POF1B: variants seen among roughly 807,000 people sequenced by gnomAD.
POF1B encodes POF1B actin binding protein.
Under a neutral mutation model 55.3 loss-of-function variants are expected in POF1B, and 53 were observed. The observed-to-expected ratio is 0.96, with a 90% confidence interval of 0.77 to 1.20. POF1B has a LOEUF of 1.20. POF1B is among the 50% of genes most tolerant of loss of function. The pLI is 0.00. For missense variants in POF1B, 478 were observed against 420.5 expected (o/e 1.14, Z -1.20); for synonymous variants, 188 against 148.3 (o/e 1.27, Z -1.95).
At chrX:85,366,772 T>C (rs924435066) in intron 3 of POF1B, among the ~76,000 whole-genome samples, 1 of 111,776 alleles carries the variant, frequency 8.9e-6, no homozygotes, top group African/African-American at 3.3e-5. Context: ...TTTACCTTTG[T>C]GCAATATGTG....
chrX:85,327,068 A>G (rs1932904768), intron 7 of POF1B, among the ~76,000 whole-genome samples: 1 of 110,604 alleles, frequency 9.0e-6, no homozygotes, highest in Admixed American at 9.6e-5. Context: ...AGGCTCCCAC[A>G]CCAACCCTCT....
intron 7 of POF1B, among the ~76,000 whole-genome samples, chrX:85,322,208 A>G (rs1318013598): frequency 1.8e-5 from 2 of 111,569 alleles, no homozygotes; most frequent in Non-Finnish European, 3.8e-5. Context: ...ACAAGGCTAC[A>G]GTAACCAAAA....
intron 9 of POF1B, among the ~76,000 whole-genome samples, chrX:85,312,416 A>G (rs2147909868): frequency 9.0e-6 from 1 of 111,666 alleles, no homozygotes; most frequent in East Asian, 2.8e-4. Flanking sequence ...TCCCAGCATT[A>G]TTTATTAAAC....
chrX:85,355,695 A>G (rs1933479625), intron 4 of POF1B, among the ~76,000 whole-genome samples: 1 of 111,507 alleles, frequency 9.0e-6, no homozygotes, highest in Non-Finnish European at 1.9e-5. Context: ...GCAGCCAAAA[A>G]ACACATGAAA....
At chrX:85,281,507 TCAGTCC>T (rs1026964803) in intron 16 of POF1B, among the ~76,000 whole-genome samples, 1 of 110,017 alleles carries the variant, frequency 9.1e-6, no homozygotes, top group Non-Finnish European at 1.9e-5. Flanking sequence ...GTTTCAATAA[TCAGTCC>T]CCTTAGCAAT....
intron 9 of POF1B, among the ~76,000 whole-genome samples, chrX:85,309,614 C>G (rs1410530956): frequency 9.0e-6 from 1 of 110,893 alleles, no homozygotes; most frequent in Non-Finnish European, 1.9e-5. Context: ...CAACAAAAGT[C>G]CTGAGAAAAG....
chrX:85,373,942 C>A lies in POF1B; in HGVS notation c.282+5231G>T, dbSNP rs183104966. ...TTAGAGAACAATCATTTACACTTAG[C>A]TAAAACATAGGACACCAGAAGGAGA... On this transcript the variant is annotated intron_variant, in intron 2 of 16. Transcript: ENST00000262753. 2.7e-5 allele frequency among the ~76,000 whole-genome samples: 3 copies of A among 111,015 alleles called. No individual in the cohort carries two copies. The East Asian group carries it at 8.5e-4, about 31-fold the overall frequency.
At chrX:85,357,815 T>G (rs983348311) in intron 4 of POF1B, among the ~76,000 whole-genome samples, 3 of 111,484 alleles carry the variant, frequency 2.7e-5, no homozygotes, top group African/African-American at 9.8e-5. Context: ...AGAGGAATGA[T>G]TCCCACATCT....
At chrX:85,322,693 C>T (rs1179915670) in intron 7 of POF1B, among the ~76,000 whole-genome samples, 1 of 111,534 alleles carries the variant, frequency 9.0e-6, no homozygotes, top group Non-Finnish European at 1.9e-5. Flanking sequence ...GCAATCTACT[C>T]ATCTGACAAA....
At chrX:85,354,912 C>T (rs1933459927) in intron 4 of POF1B, among the ~76,000 whole-genome samples, 2 of 111,240 alleles carry the variant, frequency 1.8e-5, no homozygotes, top group Non-Finnish European at 3.8e-5. Context: ...AATGCCATCC[C>T]CATCAAGCTA....
intron 2 of POF1B, among the ~76,000 whole-genome samples, chrX:85,371,829 C>T (rs1033195996): frequency 8.1e-5 from 9 of 111,366 alleles, no homozygotes; most frequent in Non-Finnish European, 1.5e-4. Context: ...TTGTAAAACG[C>T]GTGGTACATT....
intron 1 of POF1B, 23 bp downstream of exon 1, chrX:85,379,616 T>A: frequency 1.9e-6 from 1 of 532,627 alleles, no homozygotes. Context: ...CCAATAGTGG[T>A]GCCGGGAAGA....
intron 2 of POF1B, among the ~76,000 whole-genome samples, chrX:85,378,224 C>T (rs1933953462): frequency 9.0e-6 from 1 of 111,363 alleles, no homozygotes; most frequent in African/African-American, 3.3e-5. Context: ...ATGTATTACT[C>T]CTGATTGGTA....
chrX:85,358,671 A>C (rs1216951875), intron 4 of POF1B, among the ~76,000 whole-genome samples: 1 of 110,843 alleles, frequency 9.0e-6, no homozygotes, highest in Admixed American at 9.6e-5. Context: ...ATAATGCAAC[A>C]ATTGGACTGA....
chrX:85,333,097 C>G (rs961705583), intron 6 of POF1B, among the ~76,000 whole-genome samples: 6 of 110,293 alleles, frequency 5.4e-5, no homozygotes, highest in African/African-American at 2.0e-4. Flanking sequence ...TTTCCCAGTA[C>G]GTTCTCTCCT....
chrX:85,352,200 G>A (rs968747158), intron 4 of POF1B, among the ~76,000 whole-genome samples: 2 of 111,107 alleles, frequency 1.8e-5, no homozygotes, highest in African/African-American at 6.5e-5. Flanking sequence ...AATGTCATGT[G>A]TACCATGTTC....
chrX:85,361,194 T>C (rs891426216), intron 3 of POF1B, among the ~76,000 whole-genome samples: 24 of 112,205 alleles, frequency 2.1e-4, no homozygotes, highest in Non-Finnish European at 5.6e-5. Context: ...ACTCTGTTGA[T>C]AGTTTCCTTT....
intron 9 of POF1B, among the ~76,000 whole-genome samples, chrX:85,312,130 G>A (rs188185273): frequency 2.7e-5 from 3 of 111,953 alleles, no homozygotes; most frequent in East Asian, 2.8e-4. Context: ...TAGGGTGCCT[G>A]TTCACTCTGA....
chrX:85,348,735 C>T lies in POF1B; in HGVS notation c.540+2615G>A, dbSNP rs183612348. 2.7e-5 allele frequency among the ~76,000 whole-genome samples: 3 copies of T among 111,266 alleles called. No individual in the cohort carries two copies. In the East Asian group the frequency reaches 8.5e-4, roughly 32 times the overall value. ...AAGTGGGCATAAACAAGTAAATATT[C>T]GAGTTAACAGTAAATAGCAGCAGTA... is the stretch of plus-strand genomic sequence containing the variant. On this transcript the variant is annotated intron_variant, in intron 5 of 16. Transcript: ENST00000262753.
Sources: gnomAD v4.1 joint callset for allele counts (sites outside exome capture counted in the v4.1 genomes callset) on GRCh38, gnomAD v4.1.1 for gene constraint, MANE v1.5 for transcripts, NCBI Gene and HGNC (gene_info 2026-07-23, HGNC 2026-07-21) for gene names.